The following RFPL1 variants were observed in gnomAD, a reference collection of about 807,000 sequenced individuals.
RFPL1 encodes ret finger protein like 1.
Under a neutral mutation model 9.6 loss-of-function variants are expected in RFPL1, and 6 were observed. That is an observed-to-expected ratio of 0.62 (90% CI 0.34 to 1.23). The LOEUF (loss-of-function observed/expected upper bound fraction) is 1.23, where lower values mean the gene tolerates loss of function less well. Among genes scored for constraint, RFPL1 ranks in the 50% most tolerant of loss-of-function variants. RFPL1 has a pLI of 0.03. For missense variants in RFPL1, 352 were observed against 398.4 expected (o/e 0.88, Z 0.99); for synonymous variants, 145 against 149.4 (o/e 0.97, Z 0.22).
the RFPL1 span, among the ~76,000 whole-genome samples, chr22:29,388,209 G>C: frequency 2.6e-5 from 4 of 152,220 alleles, no homozygotes; most frequent in Non-Finnish European, 5.9e-5. Context: ...GGTGCTGCGG[G>C]TATGGGGCGG....
At chr22:29,436,829 C>G (rs1232217038), upstream of RFPL1, 1 of 152,072 alleles carries the variant, frequency 6.6e-6, no homozygotes, top group Non-Finnish European at 1.5e-5. Flanking sequence ...AAAATTAGGT[C>G]TTTATTTTTA....
the RFPL1 span, among the ~76,000 whole-genome samples, chr22:29,390,716 T>C: frequency 4.6e-5 from 7 of 151,210 alleles, no homozygotes; most frequent in East Asian, 1.0e-3. Context: ...CTGCCTCAGC[T>C]TCCCGAGTAG....
chr22:29,431,828 T>TTACAGATG, the RFPL1 span, among the ~76,000 whole-genome samples: 2 of 151,898 alleles, frequency 1.3e-5, no homozygotes, highest in East Asian at 3.9e-4. Context: ...GTAGCTGGGA[T>TTACAGATG]TACAGATGTG....
chr22:29,429,775 A>G, the RFPL1 span, among the ~76,000 whole-genome samples: 2 of 152,248 alleles, frequency 1.3e-5, no homozygotes, highest in African/African-American at 4.8e-5. Flanking sequence ...CAAACTTAGT[A>G]AAGTTTTAGG....
At chr22:29,410,620 T>C in the RFPL1 span, among the ~76,000 whole-genome samples, 1 of 139,336 alleles carries the variant, frequency 7.2e-6, no homozygotes, top group African/African-American at 2.7e-5. Context: ...TATCTATCTA[T>C]ATATAGATAG....
At chr22:29,418,829 A>G in the RFPL1 span, among the ~76,000 whole-genome samples, 1 of 152,060 alleles carries the variant, frequency 6.6e-6, no homozygotes, top group Non-Finnish European at 1.5e-5. Context: ...AAACCAGAAG[A>G]CCTGGCCACA....
chr22:29,412,464 G>A, the RFPL1 span, among the ~76,000 whole-genome samples: 13 of 152,112 alleles, frequency 8.5e-5, no homozygotes, highest in Admixed American at 1.3e-4. Context: ...AAGGGGTGGG[G>A]ACTGACCCTA....
At chr22:29,396,660 G>T in the RFPL1 span, among the ~76,000 whole-genome samples, 2 of 152,116 alleles carry the variant, frequency 1.3e-5, no homozygotes, top group African/African-American at 2.4e-5. Context: ...AAAAATAGAG[G>T]TTGGAGGGAG....
At chr22:29,390,513 T>A in the RFPL1 span, among the ~76,000 whole-genome samples, 2 of 152,152 alleles carry the variant, frequency 1.3e-5, no homozygotes, top group Non-Finnish European at 2.9e-5. Flanking sequence ...ATCTGCAGTA[T>A]AATAGCAAAA....
chr22:29,399,729 T>C, the RFPL1 span, among the ~76,000 whole-genome samples: 7 of 151,382 alleles, frequency 4.6e-5, no homozygotes, highest in Non-Finnish European at 7.4e-5. Context: ...TGGCCCCTTT[T>C]GTGGCCCCTT....
chr22:29,410,594 T>G, the RFPL1 span, among the ~76,000 whole-genome samples: 1 of 131,556 alleles, frequency 7.6e-6, no homozygotes, highest in African/African-American at 2.8e-5. Flanking sequence ...TATCTATATA[T>G]AGATATATAT....
At chr22:29,431,027 T>C in the RFPL1 span, among the ~76,000 whole-genome samples, 1 of 151,936 alleles carries the variant, frequency 6.6e-6, no homozygotes, top group Non-Finnish European at 1.5e-5. Flanking sequence ...CAAAATCTGA[T>C]TGGGTTAAGG....
chr22:29,441,873 C>T (rs755194400), exon 2 of RFPL1: 1 of 1,613,696 alleles, frequency 6.2e-7, no homozygotes, highest in East Asian at 2.2e-5. Flanking sequence ...CGCTGACTTT[C>T]CTCTTCGTAG....
At chr22:29,406,117 A>G in the RFPL1 span, among the ~76,000 whole-genome samples, 7 of 17,484 alleles carry the variant, frequency 4.0e-4, no homozygotes, top group Non-Finnish European at 1.0e-3. Context: ...CTCCTTCTCA[A>G]AAAAAAAAAA....
chr22:29,394,861 G>GTA, the RFPL1 span, among the ~76,000 whole-genome samples: 1 of 152,228 alleles, frequency 6.6e-6, no homozygotes, highest in Non-Finnish European at 1.5e-5. Flanking sequence ...GCCTAGCGGA[G>GTA]AGTCAAGGCC....
At chr22:29,417,567 A>C in the RFPL1 span, among the ~76,000 whole-genome samples, 1 of 149,706 alleles carries the variant, frequency 6.7e-6, no homozygotes, top group African/African-American at 2.5e-5. Flanking sequence ...ATTTCAGAAG[A>C]ACTGGGCTTG....
the RFPL1 span, among the ~76,000 whole-genome samples, chr22:29,390,756 C>T: frequency 4.0e-5 from 6 of 151,386 alleles, no homozygotes; most frequent in African/African-American, 1.2e-4. Flanking sequence ...CCACCACGCC[C>T]GGCTAATTTT....
chr22:29,414,728 A>C, the RFPL1 span, among the ~76,000 whole-genome samples: 1 of 152,104 alleles, frequency 6.6e-6, no homozygotes, highest in Non-Finnish European at 1.5e-5. Flanking sequence ...GGGTTAAGGG[A>C]ATTTTCAGGG....
the RFPL1 span, among the ~76,000 whole-genome samples, chr22:29,410,444 C>CTA: frequency 2.1e-3 from 156 of 75,702 alleles, 2 homozygotes; most frequent in Middle Eastern, 7.8e-3. Flanking sequence ...ATATATATAT[C>CTA]TATATATAGA....
Sources: gnomAD v4.1 joint callset for allele counts (sites outside exome capture counted in the v4.1 genomes callset) on GRCh38, gnomAD v4.1.1 for gene constraint, MANE v1.5 for transcripts, NCBI Gene and HGNC (gene_info 2026-07-23, HGNC 2026-07-21) for gene names.